Variants in SACM1L observed in about 807,000 individuals in gnomAD.
SACM1L encodes the protein phosphatidylinositol-3-phosphatase SAC1.
In SACM1L, 32 loss-of-function variants were observed where a neutral mutation model predicts 89.5. The observed-to-expected ratio is 0.36, with a 90% CI of 0.27 to 0.48. The LOEUF is 0.48. SACM1L is among the 20% of genes least tolerant of loss of function. The probability of loss-of-function intolerance (pLI) is 0.99; values close to 1 mark genes in which losing one functional copy is unlikely to be tolerated. For synonymous variants in SACM1L, 213 were observed against 232.8 expected (o/e 0.92, Z 0.77); for missense variants, 543 against 708.5 (o/e 0.77, Z 2.65).
intron 19 of SACM1L, among the ~76,000 whole-genome samples, chr3:45,740,350 C>A (rs1363625133): frequency 6.6e-6 from 1 of 152,088 alleles, no homozygotes; most frequent in South Asian, 2.1e-4. Flanking sequence ...TTTACATTGT[C>A]AGGGTGAGGG....
intron 6 of SACM1L, 38 bp from the exon 7 acceptor site, chr3:45,714,008 T>TA: frequency 1.8e-6 from 2 of 1,127,576 alleles, no homozygotes; most frequent in Non-Finnish European, 2.5e-6. Flanking sequence ...TATTTATTTT[T>TA]AAAGTATATT....
chr3:45,719,082 AT>A (rs1040626055), intron 7 of SACM1L, among the ~76,000 whole-genome samples: 7 of 151,586 alleles, frequency 4.6e-5, no homozygotes, highest in Non-Finnish European at 8.8e-5. Context: ...CATGCATTTC[AT>A]TTTTTTTCCC....
intron 5 of SACM1L, among the ~76,000 whole-genome samples, chr3:45,710,958 A>G (rs1698512783): frequency 6.6e-6 from 1 of 152,146 alleles, no homozygotes; most frequent in South Asian, 2.1e-4. Context: ...AACGTCAGCC[A>G]TGTACCAGGA....
In SACM1L at chr3:45,744,564, G is replaced by A. The variant is rs1229211858; in HGVS notation, c.*895G>A. On this transcript the variant is annotated 3_prime_UTR_variant, in exon 20 of 20. Transcript: ENST00000389061. ...CTAGATTTCATATTGCACTTGGAGG[G>A]TAACAGCTGCTTTTTCACGCATGGT... 2.0e-5 allele frequency: 3 copies of A among 152,488 alleles called. No homozygotes were observed. The highest frequency in any genetic ancestry group is 6.5e-5 in the Admixed American group (1 of 15,274). 9.4% of individuals were successfully genotyped at this position (152,488 alleles called of 1,614,324 possible).
chr3:45,719,661 G>A (rs1327348547), intron 8 of SACM1L, 60 bp downstream of exon 8: 10 of 915,182 alleles, frequency 1.1e-5, no homozygotes, highest in Non-Finnish European at 1.7e-5. Flanking sequence ...ACGGTGACAC[G>A]AATGTAACCT....
chr3:45,741,922 G>A (rs1699324638), intron 19 of SACM1L, among the ~76,000 whole-genome samples: 1 of 152,230 alleles, frequency 6.6e-6, no homozygotes, highest in African/African-American at 2.4e-5. Flanking sequence ...GAGGCAGCAT[G>A]TGCCGGTTCC....
chr3:45,719,546 G>T lies in SACM1L; in HGVS notation c.624G>T (p.Trp208Cys), dbSNP rs756471933. 9 of 1,612,394 alleles carry T rather than the reference G, an allele frequency of 5.6e-6. No individual in the cohort carries two copies. The highest frequency in any genetic ancestry group is 7.6e-6 in the Non-Finnish European group (9 of 1,179,202). Residue 208 changes from tryptophan (W) to cysteine (C), a missense_variant, in exon 8 of 20, where the codon TGG becomes TGT. Physicochemically the swap from Trp to Cys is radical, Grantham distance 215. Transcript: ENST00000389061. ...CTATTAATGGAAAATACTTTGATTG[G>T]ATTCTCATCTCGAGGAGGAGCTGTT... ...SCSINGKYFD[W>C]ILISRRSCFR...
chr3:45,739,660 A>C lies in SACM1L; in HGVS notation c.1627+16A>C. ...CTTATGGCTGGTAAGTCTGCTCCAC[A>C]CATTTGTTTCTTAGTTAGAATGTTG... On this transcript the variant is annotated intron_variant, in intron 19 of 19. Transcript: ENST00000389061. The C allele has an allele frequency of 1.2e-6, 2 of 1,612,446 alleles. No homozygotes were observed. The highest frequency in any genetic ancestry group is 1.7e-6 in the Non-Finnish European group (2 of 1,178,620).
At chr3:45,724,140 TTAGAAG>T (rs1379250184) in intron 11 of SACM1L, among the ~76,000 whole-genome samples, 2 of 152,196 alleles carry the variant, frequency 1.3e-5, no homozygotes, top group African/African-American at 4.8e-5. Flanking sequence ...AGGCTTATAC[TTAGAAG>T]TAGAATTGCT....
intron 19 of SACM1L, among the ~76,000 whole-genome samples, chr3:45,740,250 A>C (rs1699286799): frequency 6.6e-6 from 1 of 152,250 alleles, no homozygotes; most frequent in African/African-American, 2.4e-5. Flanking sequence ...GAGTAGATAA[A>C]GAAGTCAGAT....
intron 9 of SACM1L, 133 bp downstream of exon 9, chr3:45,722,218 A>G: frequency 1.6e-6 from 1 of 607,068 alleles, no homozygotes; most frequent in South Asian, 2.3e-5. Flanking sequence ...GGTGCAGAAA[A>G]AGTTCACCCC....
At chr3:45,723,127 C>T (rs1698827210) in intron 10 of SACM1L, among the ~76,000 whole-genome samples, 172 bp downstream of exon 10, 1 of 152,120 alleles carries the variant, frequency 6.6e-6, no homozygotes, top group Middle Eastern at 3.2e-3. Flanking sequence ...GTGTGGGTGG[C>T]ATGTTAGAAA....
At chr3:45,728,383 T>C (rs541151026) in intron 11 of SACM1L, among the ~76,000 whole-genome samples, 74 of 152,320 alleles carry the variant, frequency 4.9e-4, no homozygotes, top group African/African-American at 6.3e-4. Context: ...CTGTCTCTTA[T>C]TGTGCTTAGT....
chr3:45,716,810 A>G (rs530866334), intron 7 of SACM1L, among the ~76,000 whole-genome samples: 9 of 152,184 alleles, frequency 5.9e-5, no homozygotes, highest in Admixed American at 3.3e-4. Flanking sequence ...ATGAAAGACT[A>G]GAAGTAAATA....
chr3:45,742,490 C>A (rs1344514461), intron 19 of SACM1L, among the ~76,000 whole-genome samples: 1 of 152,186 alleles, frequency 6.6e-6, no homozygotes, highest in East Asian at 1.9e-4. Context: ...GTATGTATTT[C>A]TCCTTCTGCA....
intron 19 of SACM1L, chr3:45,742,699 T>C (rs1699341954): frequency 6.6e-6 from 1 of 152,430 alleles, no homozygotes; most frequent in African/African-American, 2.4e-5. Flanking sequence ...TGTGTGCCTA[T>C]AGTCCCAGCT....
At chr3:45,709,113 G>A (rs1698464140) in intron 4 of SACM1L, among the ~76,000 whole-genome samples, 1 of 152,192 alleles carries the variant, frequency 6.6e-6, no homozygotes, top group Non-Finnish European at 1.5e-5. Context: ...GTCGAAGATA[G>A]CTATGCTAAC....
intron 3 of SACM1L, among the ~76,000 whole-genome samples, chr3:45,706,361 A>G (rs1484875827): frequency 1.3e-5 from 2 of 152,200 alleles, no homozygotes; most frequent in African/African-American, 2.4e-5. Flanking sequence ...CATGAAGGAC[A>G]TAGGAGTGGT....
At chr3:45,733,428 C>T (rs778699298) in intron 13 of SACM1L, among the ~76,000 whole-genome samples, 2 of 152,032 alleles carry the variant, frequency 1.3e-5, no homozygotes, top group African/African-American at 2.4e-5. Flanking sequence ...ATAGTTTAAG[C>T]GATAATGTTT....
Sources: allele counts gnomAD v4.1 joint callset (sites outside exome capture counted in the v4.1 genomes callset), GRCh38; gene constraint gnomAD v4.1.1; transcripts MANE v1.5; gene names NCBI Gene and HGNC (gene_info 2026-07-23, HGNC 2026-07-21).